PFKP: variants seen among roughly 807,000 people sequenced by gnomAD.
PFKP encodes phosphofructokinase, platelet.
A neutral mutation model predicts 94.3 loss-of-function variants in PFKP; 101 were observed. That is an observed-to-expected ratio of 1.07 (90% CI 0.91 to 1.26). The LOEUF is 1.26. PFKP is among the 50% of genes most tolerant of loss of function. The pLI, the probability that PFKP is intolerant of heterozygous loss-of-function variation, is 0.00. For missense variants in PFKP, 1,145 were observed against 1,103.3 expected, an observed-to-expected ratio of 1.04 and a Z score of -0.53; for synonymous variants, 573 against 432.6, an observed-to-expected ratio of 1.32 and a Z score of -4.03.
At chr10:3,067,843 G>C in intron 1 of PFKP, 136 bp downstream of exon 1, 1 of 473,772 alleles carries the variant, frequency 2.1e-6, no homozygotes. Context: ...GCGAAGCGAT[G>C]GGGAGAACCG....
chr10:3,136,793 ATGACTC>A lies in PFKP; in HGVS notation c.*215_*220del, dbSNP rs1739590146. ...AGCAGAATTAATTAAACATTTGCCT[ATGACTC>A]CAACAGTCCTCTGTTTTAGTTTTTT... On this transcript the variant is annotated 3_prime_UTR_variant, in exon 22 of 22. Coordinates refer to ENST00000381125, the MANE Select transcript of PFKP (RefSeq NM_002627.5). The A allele has an allele frequency of 6.3e-6, 3 of 472,668 alleles. No individual in the cohort carries two copies. The highest frequency in any genetic ancestry group is 1.2e-5 in the Non-Finnish European group (3 of 260,860). 29.3% of individuals were successfully genotyped at this position (472,668 alleles called of 1,614,324 possible).
At chr10:3,120,231 G>A (rs6602026) in intron 16 of PFKP, among the ~76,000 whole-genome samples, 187 bp downstream of exon 16, 128,046 of 152,136 alleles carry the variant, frequency 0.84, 53,956 homozygotes, top group East Asian at 0.88. Context: ...CACTCCCAGA[G>A]AGTTTTACCA....
chr10:3,128,471 CACTG>C (rs1382780114), intron 16 of PFKP, among the ~76,000 whole-genome samples: 4 of 150,516 alleles, frequency 2.7e-5, no homozygotes, highest in Non-Finnish European at 4.4e-5. Flanking sequence ...GCCGCTGTGA[CACTG>C]ACCACACACC....
chr10:3,113,057 C>A, intron 11 of PFKP, 62 bp from the exon 12 acceptor site: 1 of 1,474,594 alleles, frequency 6.8e-7, no homozygotes, highest in Non-Finnish European at 9.3e-7. Flanking sequence ...CTTTTCTCCA[C>A]ATGAGCCCTG....
chr10:3,091,063 T>C (rs1024276571), intron 2 of PFKP, among the ~76,000 whole-genome samples: 5 of 152,188 alleles, frequency 3.3e-5, no homozygotes, highest in African/African-American at 9.6e-5. Flanking sequence ...GGACCTCTGC[T>C]GTCTGGCCGC....
At chr10:3,116,160 TGTACA>T (rs1836810727) in intron 13 of PFKP, among the ~76,000 whole-genome samples, 1 of 150,398 alleles carries the variant, frequency 6.6e-6, no homozygotes, top group Non-Finnish European at 1.5e-5. Context: ...ATACACACCT[TGTACA>T]GTATTTACCT....
At position 3,084,654 on chromosome 10, in the gene PFKP, AG is replaced by A. The variant is rs1188283463; in HGVS notation, c.186+2196del. On this transcript the variant is annotated intron_variant, in intron 2 of 21. Transcript: ENST00000381125. ...CCCTGGTGGCAGCTGCCCCTTGCTC[AG>A]GGATGTGGAATGAGCACAGTAGACG... 2.6e-5 allele frequency among the ~76,000 whole-genome samples: 4 copies of A among 151,912 alleles called. No individual in the cohort carries two copies. In the East Asian group the frequency reaches 7.8e-4, roughly 30 times the overall value.
intron 10 of PFKP, among the ~76,000 whole-genome samples, chr10:3,110,920 G>A (rs773525998): frequency 2.6e-5 from 4 of 151,886 alleles, no homozygotes; most frequent in Non-Finnish European, 5.9e-5. Context: ...ATGTTTGTAC[G>A]TGTGTGCATG....
intron 2 of PFKP, among the ~76,000 whole-genome samples, chr10:3,095,481 C>T (rs1387071987): frequency 6.6e-6 from 1 of 152,174 alleles, no homozygotes; most frequent in Non-Finnish European, 1.5e-5. Context: ...ACGATGGATC[C>T]GATACAGCCA....
At chr10:3,121,807 T>C (rs1461817047) in intron 16 of PFKP, among the ~76,000 whole-genome samples, 8 of 29,668 alleles carry the variant, frequency 2.7e-4, no homozygotes, top group Admixed American at 3.5e-4. Flanking sequence ...TTTTTTCTTT[T>C]TTTTTTTTTT....
intron 10 of PFKP, among the ~76,000 whole-genome samples, chr10:3,111,182 TTGTG>T (rs1324727688): frequency 1.3e-5 from 2 of 151,606 alleles, no homozygotes; most frequent in African/African-American, 4.9e-5. Context: ...GTGTGTATGT[TTGTG>T]AGAGGTAGTA....
chr10:3,084,242 C>T (rs56281813), intron 2 of PFKP, among the ~76,000 whole-genome samples: 38,368 of 152,110 alleles, frequency 0.25, 5,048 homozygotes, highest in East Asian at 0.35. Flanking sequence ...GTCCCAGCCC[C>T]GCGCAGGGAA....
intron 4 of PFKP, among the ~76,000 whole-genome samples, chr10:3,102,167 CG>C (rs1835070166): frequency 1.5e-5 from 2 of 134,632 alleles, no homozygotes; most frequent in African/African-American, 5.5e-5. Context: ...AGGAGAATGG[CG>C]TGAACCCGGG....
intron 1 of PFKP, among the ~76,000 whole-genome samples, chr10:3,073,830 T>TTTTG (rs955432115): frequency 2.5e-4 from 37 of 150,692 alleles, no homozygotes; most frequent in Middle Eastern, 3.4e-3. Flanking sequence ...TGTGTGTTTT[T>TTTTG]TTTGTTTGTT....
intron 1 of PFKP, chr10:3,068,795 A>G: frequency 1.5e-6 from 1 of 675,748 alleles, no homozygotes; most frequent in South Asian, 6.6e-5. Context: ...GCGATCGCGC[A>G]GGCTGGAGAC....
At chr10:3,102,684 G>A (rs540895486) in intron 4 of PFKP, among the ~76,000 whole-genome samples, 6 of 152,272 alleles carry the variant, frequency 3.9e-5, no homozygotes, top group East Asian at 1.9e-4. Flanking sequence ...CACCCGCTTC[G>A]GCCTCCCAAA....
chr10:3,132,448 G>T lies in PFKP; in HGVS notation c.1910+7G>T. On this transcript the variant is annotated splice_region_variant and intron_variant, in intron 18 of 21. Coordinates refer to ENST00000381125, the MANE Select transcript of PFKP (RefSeq NM_002627.5). ...AGAGAGGCCTTGTGCTCAGGTGAGA[G>T]AGAGAGACCAGGGGCTGATCTTACC... 6.2e-7 allele frequency: 1 copy of T among 1,600,428 alleles called. No individual in the cohort carries two copies. The highest frequency in any genetic ancestry group is 8.6e-7 in the Non-Finnish European group (1 of 1,167,654).
chr10:3,074,135 C>T (rs2131380125), intron 1 of PFKP, among the ~76,000 whole-genome samples: 1 of 152,346 alleles, frequency 6.6e-6, no homozygotes, highest in East Asian at 1.9e-4. Flanking sequence ...CCACTGCACC[C>T]AGCCTTATTT....
intron 1 of PFKP, among the ~76,000 whole-genome samples, chr10:3,079,436 A>G (rs565335450): frequency 1.6e-4 from 24 of 151,820 alleles, no homozygotes; most frequent in Middle Eastern, 3.4e-3. Flanking sequence ...GGGTTTCACC[A>G]TGTTAGCCAG....
Sources: gnomAD v4.1 joint callset for allele counts (sites outside exome capture counted in the v4.1 genomes callset) on GRCh38, gnomAD v4.1.1 for gene constraint, MANE v1.5 for transcripts, NCBI Gene and HGNC (gene_info 2026-07-23, HGNC 2026-07-21) for gene names.